The following LONP2 variants were observed in gnomAD, a reference collection of about 807,000 sequenced individuals.
The protein encoded by LONP2 is lon protease homolog 2, peroxisomal.
Under a neutral mutation model 85.6 loss-of-function variants are expected in LONP2, and 60 were observed. The observed-to-expected ratio is 0.70, with a 90% CI of 0.57 to 0.87. The LOEUF (loss-of-function observed/expected upper bound fraction) is 0.87. Among genes scored for constraint, LONP2 ranks in the 40% least tolerant of loss-of-function variants. The probability of loss-of-function intolerance (pLI) is 0.00; values close to 1 mark genes in which losing one functional copy is unlikely to be tolerated. For synonymous variants in LONP2, 395 were observed against 389.7 expected, an observed-to-expected ratio of 1.01 and a Z score of -0.16; for missense variants, 860 against 1,063.5, an observed-to-expected ratio of 0.81 and a Z score of 2.66.
intron 1 of LONP2, among the ~76,000 whole-genome samples, chr16:48,247,754 G>A (rs1012818013): frequency 6.6e-6 from 1 of 152,130 alleles, no homozygotes; most frequent in African/African-American, 2.4e-5. Context: ...ATTTCAAGAT[G>A]GTCATCCAGC....
At chr16:48,250,628 A>G (rs1971619271) in intron 1 of LONP2, among the ~76,000 whole-genome samples, 1 of 152,082 alleles carries the variant, frequency 6.6e-6, no homozygotes, top group South Asian at 2.1e-4. Context: ...TACTTTGTAA[A>G]CCCTTTAGGC....
intron 12 of LONP2, chr16:48,336,526 C>A: frequency 4.5e-6 from 2 of 440,704 alleles, no homozygotes; most frequent in Non-Finnish European, 9.1e-6. Flanking sequence ...AGAGAGTCAG[C>A]AAAGGGAGAT....
At chr16:48,293,785 C>T (rs1320484336) in intron 8 of LONP2, among the ~76,000 whole-genome samples, 2 of 152,104 alleles carry the variant, frequency 1.3e-5, no homozygotes, top group African/African-American at 4.8e-5. Context: ...TTTACAAAGA[C>T]AGAGGGAAGG....
intron 12 of LONP2, among the ~76,000 whole-genome samples, 189 bp from the exon 13 acceptor site, chr16:48,347,318 T>C (rs1959995151): frequency 6.6e-6 from 1 of 152,200 alleles, no homozygotes; most frequent in Non-Finnish European, 1.5e-5. Context: ...AGAGGAAGTT[T>C]AGGTCTTTCT....
intron 9 of LONP2, among the ~76,000 whole-genome samples, chr16:48,297,255 C>T (rs1436967952): frequency 6.6e-6 from 1 of 152,102 alleles, no homozygotes; most frequent in Non-Finnish European, 1.5e-5. Context: ...GCCTTGGCCT[C>T]CAAAAGTATA....
intron 6 of LONP2, among the ~76,000 whole-genome samples, chr16:48,264,833 C>T (rs996501757): frequency 2.6e-5 from 4 of 152,198 alleles, no homozygotes; most frequent in Non-Finnish European, 4.4e-5. Context: ...TGGCTTCAGC[C>T]GGTCCCTCCG....
chr16:48,324,524 T>G (rs1346593341), intron 11 of LONP2, among the ~76,000 whole-genome samples: 2 of 152,232 alleles, frequency 1.3e-5, no homozygotes, highest in African/African-American at 4.8e-5. Flanking sequence ...AATTGTTACA[T>G]AATTACTTTT....
At chr16:48,302,857 G>C (rs1000695604) in intron 10 of LONP2, among the ~76,000 whole-genome samples, 1 of 152,150 alleles carries the variant, frequency 6.6e-6, no homozygotes, top group Admixed American at 6.5e-5. Flanking sequence ...ACAAATTACC[G>C]AGGAGTAAAT....
At chr16:48,279,493 T>C (rs1028590976) in intron 8 of LONP2, among the ~76,000 whole-genome samples, 7 of 152,058 alleles carry the variant, frequency 4.6e-5, no homozygotes, top group East Asian at 1.9e-4. Flanking sequence ...GGAAGAATGA[T>C]TGGGGTCGGG....
At position 48,299,646 on chromosome 16, in the gene LONP2, A is replaced by T; in HGVS notation, c.1535-16A>T. The T allele has an allele frequency of 6.3e-7, 1 of 1,593,226 alleles. No individual in the cohort carries two copies. Among genetic ancestry groups the T allele is most frequent in the Non-Finnish European group, 8.5e-7 (1 of 1,174,326 alleles). Reference sequence around the variant, plus strand: ...GCCATGTAAATAATTACAAAACAAGATCTCTTCTTTTCCAGGTTATACACA... The same window carrying T: ...GCCATGTAAATAATTACAAAACAAGTTCTCTTCTTTTCCAGGTTATACACA... On this transcript the variant is annotated splice_polypyrimidine_tract_variant and intron_variant, in intron 9 of 14. Transcript: ENST00000285737.
In LONP2 at chr16:48,354,215, T is replaced by A. The variant is rs1055310949; in HGVS notation, c.*2413T>A. The A allele has an allele frequency of 1.5e-5, 2 of 132,250 alleles. No individual in the cohort carries two copies. The highest frequency in any genetic ancestry group is 1.6e-5 in the Non-Finnish European group (1 of 62,622). The allele number at this position is 132,250 out of a possible 1,614,324, so 8.2% of individuals were successfully genotyped here. ...TACACGCTTTTTTTTTTTTTTTTTT[T>A]TTTTTTTTTTGAGATGGAGTCTTGC... On this transcript the variant is annotated 3_prime_UTR_variant, in exon 15 of 15. Coordinates refer to ENST00000285737, the MANE Select transcript of LONP2 (RefSeq NM_031490.5).
Position 48,261,550 on chromosome 16 carries a change from G to C in LONP2, c.850G>C (p.Glu284Gln). ...EKKIRTSSMP[E>Q]QAHKVCVKEI... ...AAAAATACGAACATCTAGTATGCCAGAGCAGGCCCATAAAGTCTGTGTCAA... is the reference window on the plus strand; with the variant it reads ...AAAAATACGAACATCTAGTATGCCACAGCAGGCCCATAAAGTCTGTGTCAA... Residue 284 changes from glutamate (E) to glutamine (Q), a missense_variant, in exon 5 of 15, where the codon GAG (glutamate) becomes CAG (glutamine). Glu to Gln is a conservative substitution (Grantham distance 29). Coordinates refer to ENST00000285737, the MANE Select transcript of LONP2 (RefSeq NM_031490.5). The C allele has an allele frequency of 6.3e-7, 1 of 1,599,936 alleles. No homozygotes were observed. Among genetic ancestry groups the C allele is most frequent in the African/African-American group, 1.4e-5 (1 of 72,414 alleles).
downstream of LONP2, chr16:48,361,880 G>C (rs1158397393): frequency 1.2e-6 from 2 of 1,614,132 alleles, no homozygotes; most frequent in Admixed American, 3.3e-5. Context: ...AGCCAAAACA[G>C]GACTGCATCA....
At chr16:48,318,804 A>G (rs1973199992) in intron 11 of LONP2, among the ~76,000 whole-genome samples, 1 of 152,180 alleles carries the variant, frequency 6.6e-6, no homozygotes. Context: ...GCAGTTCTCC[A>G]GGAGGAATCA....
intron 8 of LONP2, among the ~76,000 whole-genome samples, chr16:48,277,786 C>G (rs768969488): frequency 7.2e-5 from 11 of 151,836 alleles, no homozygotes; most frequent in Non-Finnish European, 1.6e-4. Context: ...GCAAGCAAGT[C>G]TCCTTCTCCC....
chr16:48,292,934 T>G (rs1433639971), intron 8 of LONP2, among the ~76,000 whole-genome samples: 4 of 152,352 alleles, frequency 2.6e-5, no homozygotes, highest in African/African-American at 7.2e-5. Context: ...TTTTTTCTCC[T>G]TATAATCTAG....
At chr16:48,251,326 A>G (rs896322445) in intron 1 of LONP2, among the ~76,000 whole-genome samples, 5 of 152,170 alleles carry the variant, frequency 3.3e-5, no homozygotes, top group Admixed American at 1.3e-4. Context: ...TGTCTTCTCA[A>G]TGTTGATTTT....
chr16:48,275,106 A>T (rs1165945002), intron 7 of LONP2, among the ~76,000 whole-genome samples: 1 of 152,212 alleles, frequency 6.6e-6, no homozygotes, highest in African/African-American at 2.4e-5. Context: ...AGTAAACTTT[A>T]AGTAGCTGTT....
At chr16:48,359,299 A>G (rs900117306), downstream of LONP2, among the ~76,000 whole-genome samples, 2 of 152,218 alleles carry the variant, frequency 1.3e-5, no homozygotes, top group African/African-American at 4.8e-5. Context: ...GCCCTTTTAC[A>G]TATTATAATG....
Sources: allele counts gnomAD v4.1 joint callset (sites outside exome capture counted in the v4.1 genomes callset), GRCh38; gene constraint gnomAD v4.1.1; transcripts MANE v1.5; gene names NCBI Gene and HGNC (gene_info 2026-07-23, HGNC 2026-07-21).